Variants in RNF213 observed in about 807,000 individuals in gnomAD.
RNF213 encodes the protein E3 ubiquitin-protein ligase RNF213.
Under a neutral mutation model 514.4 loss-of-function variants are expected in RNF213, and 341 were observed. That is an observed-to-expected ratio of 0.66 (90% confidence interval 0.61 to 0.73). RNF213 has a LOEUF of 0.73. Among genes scored for constraint, RNF213 ranks in the 30% least tolerant of loss-of-function variants. The pLI, the probability that RNF213 is intolerant of heterozygous loss-of-function variation, is 0.00. For synonymous variants in RNF213, 2,655 were observed against 2,658.2 expected (o/e 1.00, Z 0.04); for missense variants, 5,767 against 6,615.6 (o/e 0.87, Z 4.45).
Position 80,368,294 on chromosome 17 carries a change from T to TA in RNF213, c.12155+151_12155+152insA, listed in dbSNP as rs1479537783. On this transcript the variant is annotated intron_variant, in intron 44 of 67. Coordinates refer to ENST00000582970, the MANE Select transcript of RNF213 (RefSeq NM_001256071.3). The stretch of plus-strand genomic sequence containing the variant: ...CATAAGAGACGCCACTTACGTACTT[T>TA]CATAAATATCTGGTATCTCAAGATT... The TA allele has an allele frequency of 5.9e-5, 47 of 797,788 alleles. No individual in the cohort carries two copies. In the Admixed American group the frequency reaches 6.8e-4, roughly 12 times the overall value. The allele number at this position is 797,788 out of a possible 1,614,324, so 49.4% of individuals were successfully genotyped here.
In RNF213 at chr17:80,317,435, G is replaced by C. The variant is rs144662350; in HGVS notation, c.2901+158G>C. On this transcript the variant is annotated intron_variant, in intron 16 of 67. Transcript: ENST00000582970. This position sits in a 1 kb window ranked among gnomAD's most constrained non-coding sequence, Gnocchi z 4.1. ...TTCTGTTTCTGATCCAGCCCTTATA[G>C]TCTGTCCCTAGAAGAGCGCTTCGGA... is the stretch of plus-strand genomic sequence containing the variant. Among the ~76,000 whole-genome samples, 44 of 152,320 alleles carry C rather than the reference G, an allele frequency of 2.9e-4. 1 individual carries two copies. The East Asian group carries it at 8.1e-3, about 28-fold the overall frequency.
intron 42 of RNF213, among the ~76,000 whole-genome samples, chr17:80,366,743 T>C (rs1429101819): frequency 6.6e-6 from 1 of 152,170 alleles, no homozygotes; most frequent in Non-Finnish European, 1.5e-5. Context: ...TTTCAAAATG[T>C]AGAGAGAAAG....
intron 11 of RNF213, among the ~76,000 whole-genome samples, chr17:80,302,788 A>C (rs1316801221): frequency 6.6e-6 from 1 of 152,154 alleles, no homozygotes; most frequent in African/African-American, 2.4e-5. Flanking sequence ...TGAGCCAGGG[A>C]GGTCAAGGCT....
chr17:80,276,077 ATTTATTTATTTTTTGT>A (rs1384865778), intron 3 of RNF213, among the ~76,000 whole-genome samples: 1 of 150,052 alleles, frequency 6.7e-6, no homozygotes, highest in African/African-American at 2.5e-5. Context: ...TTATTTATTT[ATTTATTTATTTTTTGT>A]TTTATTTATT....
intron 14 of RNF213, among the ~76,000 whole-genome samples, chr17:80,312,404 G>C (rs2045601765): frequency 6.6e-6 from 1 of 151,900 alleles, no homozygotes. Flanking sequence ...CATGATGGGA[G>C]CACAGTGGGA....
chr17:80,375,529 G>A (rs528163983), intron 50 of RNF213, among the ~76,000 whole-genome samples: 11 of 139,040 alleles, frequency 7.9e-5, no homozygotes, highest in South Asian at 2.4e-4. Context: ...GTGAAACCCC[G>A]TGTCTACTAA....
At chr17:80,303,934 A>C (rs1469335733) in intron 11 of RNF213, among the ~76,000 whole-genome samples, 1 of 149,840 alleles carries the variant, frequency 6.7e-6, no homozygotes, top group East Asian at 1.9e-4. Context: ...CTAAACTATT[A>C]ACTCAGCCCC....
At chr17:80,319,149 C>T (rs1469798154) in intron 16 of RNF213, 41 bp from the exon 17 acceptor site, 3 of 1,614,104 alleles carry the variant, frequency 1.9e-6, no homozygotes, top group South Asian at 2.2e-5. Context: ...TGGAGCGCTG[C>T]ATCCGAAAGC....
chr17:80,289,424 T>C (rs2044600939), intron 5 of RNF213, among the ~76,000 whole-genome samples: 1 of 152,046 alleles, frequency 6.6e-6, no homozygotes, highest in Admixed American at 6.6e-5. Context: ...ACCCCGTCTC[T>C]ACTAAAAATA....
Position 80,385,109 on chromosome 17 carries a change from TC to T in RNF213, c.14395del (p.Gln4799ArgfsTer23), listed in dbSNP as rs760546132. The T allele has an allele frequency of 3.1e-6, 5 of 1,614,044 alleles. No individual in the cohort carries two copies. The highest frequency in any genetic ancestry group is 4.2e-6 in the Non-Finnish European group (5 of 1,180,018). On this transcript the variant is annotated frameshift_variant, in exon 60 of 68. Transcript: ENST00000582970. LOFTEE classifies it high-confidence loss of function. ...TTGCAAAGGGATCTAGTGAAGCAGT[TC>T]CAGAACGTCCAGCAAGTTGAATACA... ...LALQRDLVKQ[F>X]QNVQQVEYSS...
chr17:80,389,007 ATGGCCT>A, intron 64 of RNF213, 160 bp from the exon 65 acceptor site: 1 of 672,210 alleles, frequency 1.5e-6, no homozygotes, highest in Non-Finnish European at 2.6e-6. Context: ...GTGTGTCTCC[ATGGCCT>A]CCAGGAACTG....
intron 38 of RNF213, among the ~76,000 whole-genome samples, chr17:80,361,428 G>C (rs1344013714): frequency 6.6e-6 from 1 of 152,180 alleles, no homozygotes; most frequent in Non-Finnish European, 1.5e-5. Context: ...GCTGAGGCAG[G>C]AGAATCACTT....
Position 80,339,995 on chromosome 17 carries a change from G to C in RNF213, c.5628G>C (p.Leu1876=), listed in dbSNP as rs754207552. 7.8e-6 allele frequency: 12 copies of C among 1,538,110 alleles called. No homozygotes were observed. Among genetic ancestry groups the C allele is most frequent in the Non-Finnish European group, 1.0e-5 (12 of 1,147,166 alleles). ...CAACCACCTTTGAGGAGGTGGCACT[G>C]TTGCTGCGCCGCTGCCTGACCCTGG... The part of the protein sequence containing the change: ...TPATTFEEVA[L]LLRRCLTLGS... The change falls in exon 26 of 68, where the codon CTG becomes CTC. Residue 1876 remains leucine (L), a synonymous_variant. Transcript: ENST00000582970.
intron 32 of RNF213, chr17:80,352,530 G>C: frequency 1.8e-6 from 1 of 545,390 alleles, no homozygotes; most frequent in Admixed American, 3.3e-5. Flanking sequence ...ACATAGAAAA[G>C]TTGGTATTCC....
At chr17:80,330,958 C>T (rs975762704) in intron 20 of RNF213, among the ~76,000 whole-genome samples, 2 of 152,180 alleles carry the variant, frequency 1.3e-5, no homozygotes, top group African/African-American at 4.8e-5. Context: ...GCTGAGATTA[C>T]AGGTGTCCAC....
At chr17:80,308,985 T>C in intron 13 of RNF213, 33 bp from the exon 14 acceptor site, 3 of 1,612,978 alleles carry the variant, frequency 1.9e-6, no homozygotes, top group Non-Finnish European at 2.5e-6. Context: ...CCTAAATCCT[T>C]GCCGGGATTT....
chr17:80,267,793 G>A (rs2043658574), intron 2 of RNF213, among the ~76,000 whole-genome samples: 1 of 151,826 alleles, frequency 6.6e-6, no homozygotes, highest in Admixed American at 6.6e-5. Context: ...TATTGATGGA[G>A]GTGGCTCTAC....
chr17:80,386,574 T>G (rs1343573915), intron 62 of RNF213, 116 bp from the exon 63 acceptor site: 13 of 1,417,266 alleles, frequency 9.2e-6, no homozygotes, highest in Non-Finnish European at 1.3e-5. Context: ...GCCCCATACT[T>G]GGGTAGGGTT....
At chr17:80,289,188 G>A (rs12939230) in intron 5 of RNF213, among the ~76,000 whole-genome samples, 22,639 of 152,176 alleles carry the variant, frequency 0.15, 1,878 homozygotes, top group Non-Finnish European at 0.2. Context: ...CTGGAGAGAG[G>A]CGCCTCTGGA....
Sources: gnomAD v4.1 joint callset for allele counts (sites outside exome capture counted in the v4.1 genomes callset) on GRCh38, gnomAD v4.1.1 for gene constraint, Gnocchi (gnomAD v3.1) non-coding constraint, MANE v1.5 for transcripts, NCBI Gene and HGNC (gene_info 2026-07-23, HGNC 2026-07-21) for gene names.